The following TINAG variants were observed in gnomAD, a reference collection of about 807,000 sequenced individuals.
TINAG encodes tubulointerstitial nephritis antigen.
A neutral mutation model predicts 72.7 loss-of-function variants in TINAG; 83 were observed. That is an observed-to-expected ratio of 1.14 (90% CI 0.96 to 1.37). The LOEUF (loss-of-function observed/expected upper bound fraction) is 1.37. Ranked by LOEUF, TINAG falls within the 40% of genes most tolerant of loss-of-function variation. The pLI is 0.00. For missense variants in TINAG, 685 were observed against 576.6 expected (o/e 1.19, Z -1.93); for synonymous variants, 234 against 189.9 (o/e 1.23, Z -1.91).
At chr6:54,366,003 A>C (rs538651658) in intron 9 of TINAG, among the ~76,000 whole-genome samples, 1 of 151,764 alleles carries the variant, frequency 6.6e-6, no homozygotes, top group African/African-American at 2.4e-5. Flanking sequence ...TCTCAAAAAT[A>C]TGAATAAAGT....
At chr6:54,360,841 G>GTTTTTTTTTGTTTTTTTTTTTTTT (rs1763206130) in intron 9 of TINAG, among the ~76,000 whole-genome samples, 1 of 26,242 alleles carries the variant, frequency 3.8e-5, no homozygotes, top group South Asian at 2.3e-3. Flanking sequence ...CAGATACTGT[G>GTTTTTTTTTGTTTTTTTTTTTTTT]TTTTTTTTTT....
intron 9 of TINAG, among the ~76,000 whole-genome samples, chr6:54,373,740 T>G (rs1041740004): frequency 1.3e-5 from 2 of 152,114 alleles, no homozygotes; most frequent in African/African-American, 4.8e-5. Context: ...AGATTTTGCC[T>G]GTAAACCATA....
intron 1 of TINAG, 41 bp from the exon 2 acceptor site, chr6:54,320,538 T>A (rs759208803): frequency 4.7e-6 from 7 of 1,504,824 alleles, no homozygotes; most frequent in Admixed American, 1.8e-5. Context: ...ACTTTATTAC[T>A]TAGTTTAGCA....
Position 54,354,972 on chromosome 6 carries a change from G to T in TINAG, c.1250+336G>T, listed in dbSNP as rs112952283. On this transcript the variant is annotated intron_variant, in intron 9 of 10. Coordinates refer to ENST00000259782, the MANE Select transcript of TINAG (RefSeq NM_014464.4). The stretch of plus-strand genomic sequence containing the variant: ...AAATCCAAGGCGTATTATGGTTTGG[G>T]GAGATGGTTTTGAATAGAATTGCAA... Among the ~76,000 whole-genome samples the T allele has an allele frequency of 5.6e-3, 850 of 151,948 alleles. 10 individuals carry two copies. The highest frequency in any genetic ancestry group is 0.019 in the African/African-American group (807 of 41,500).
chr6:54,354,402 T>A, intron 8 of TINAG, 111 bp from the exon 9 acceptor site: 1 of 973,112 alleles, frequency 1.0e-6, no homozygotes, highest in South Asian at 1.8e-5. Context: ...AGCCCCTTCT[T>A]AGATTCATCT....
rs1001192156 is a variant in TINAG, at chr6:54,384,491, G to A, written c.1296+3920G>A. ...AAATGACACATTATTCTCAAAAAAAGCAGCACTGACTGACAGCTGGCATTT... is the reference window on the plus strand; with the variant it reads ...AAATGACACATTATTCTCAAAAAAAACAGCACTGACTGACAGCTGGCATTT... On this transcript the variant is annotated intron_variant, in intron 10 of 10. Transcript: ENST00000259782. Among the ~76,000 whole-genome samples, 20 of 152,098 alleles carry A rather than the reference G, an allele frequency of 1.3e-4. 1 individual carries two copies. Among genetic ancestry groups the A allele is most frequent in the African/African-American group, 4.6e-4 (19 of 41,500 alleles).
rs141176211 is a variant in TINAG, at chr6:54,345,471, A to G, written c.749-1896A>G. 6.6e-4 allele frequency among the ~76,000 whole-genome samples: 100 copies of G among 152,294 alleles called. 3 individuals carry two copies. Among genetic ancestry groups the G allele is most frequent in the Admixed American group, 6.0e-3 (91 of 15,282 alleles). ...CTGAAGCCAAAAGATGAGAAATATC[A>G]GAAATAATCCTGGAGACCAGGCTTC... On this transcript the variant is annotated intron_variant, in intron 5 of 10. Coordinates refer to ENST00000259782, the MANE Select transcript of TINAG (RefSeq NM_014464.4).
chr6:54,334,058 G>A (rs895758280), intron 4 of TINAG, among the ~76,000 whole-genome samples: 1 of 152,096 alleles, frequency 6.6e-6, no homozygotes, highest in Admixed American at 6.6e-5. Context: ...TCTGCTACTA[G>A]GTATCTTGCA....
chr6:54,307,992 A>C (rs1166893815), upstream of TINAG: 2 of 1,531,286 alleles, frequency 1.3e-6, no homozygotes, highest in African/African-American at 1.4e-5. Context: ...ACAGATGGGA[A>C]ATCAAACCAG....
At position 54,373,923 on chromosome 6, in the gene TINAG, A is replaced by G. The variant is rs1763703041; in HGVS notation, c.1251-6603A>G. On this transcript the variant is annotated intron_variant, in intron 9 of 10. Coordinates refer to ENST00000259782, the MANE Select transcript of TINAG (RefSeq NM_014464.4). ...CAATTGTCATTGATCATGATATATG[A>G]TTTTGGTCTTTGCTCTCTCTTTGCT... 2.0e-5 allele frequency among the ~76,000 whole-genome samples: 3 copies of G among 152,036 alleles called. 1 individual carries two copies. Among genetic ancestry groups the G allele is most frequent in the Non-Finnish European group, 2.9e-5 (2 of 67,982 alleles).
Position 54,308,630 on chromosome 6 carries a change from G to C in TINAG, c.80G>C (p.Arg27Thr). 6.2e-7 allele frequency: 1 copy of C among 1,613,760 alleles called. No individual in the cohort carries two copies. The highest frequency in any genetic ancestry group is 1.1e-5 in the South Asian group (1 of 91,070). ...ATGGAGAAGCAGTATTTATCTCAAA[G>C]AGAAGTGGACCTAGAGGCTTATTTC... ...IWMEKQYLSQREVDLEAYFTR... is the reference protein window; with the variant it reads ...IWMEKQYLSQTEVDLEAYFTR... Residue 27 changes from arginine to threonine, a missense_variant, in exon 1 of 11, where the codon AGA becomes ACA. Arg to Thr is a moderately conservative substitution (Grantham distance 71). Coordinates refer to ENST00000259782, the MANE Select transcript of TINAG (RefSeq NM_014464.4).
At chr6:54,361,146 C>G (rs551950564) in intron 9 of TINAG, among the ~76,000 whole-genome samples, 1 of 151,174 alleles carries the variant, frequency 6.6e-6, no homozygotes, top group Non-Finnish European at 1.5e-5. Context: ...ATCAATGGGG[C>G]GTTCTCCCTT....
At chr6:54,326,727 G>A in intron 3 of TINAG, 75 bp from the exon 4 acceptor site, 1 of 1,071,324 alleles carries the variant, frequency 9.3e-7, no homozygotes, top group Non-Finnish European at 1.3e-6. Flanking sequence ...AAATATAAAG[G>A]AAAATGTATT....
At chr6:54,342,570 AT>A (rs1352393044) in intron 4 of TINAG, among the ~76,000 whole-genome samples, 1 of 152,004 alleles carries the variant, frequency 6.6e-6, no homozygotes, top group Non-Finnish European at 1.5e-5. Context: ...GGTTTTCACC[AT>A]GTTGGCCAGG....
intron 4 of TINAG, among the ~76,000 whole-genome samples, chr6:54,333,695 A>G (rs959946958): frequency 7.9e-5 from 12 of 152,308 alleles, no homozygotes; most frequent in Admixed American, 7.2e-4. Flanking sequence ...ATTGATAATG[A>G]CTTCACAGAA....
intron 7 of TINAG, among the ~76,000 whole-genome samples, chr6:54,350,218 C>CT (rs34299601): frequency 0.38 from 58,260 of 151,700 alleles, 13,386 homozygotes; most frequent in Middle Eastern, 0.55. Flanking sequence ...TTTTCACTGA[C>CT]TTTTTTGTGG....
At chr6:54,351,496 T>G in intron 8 of TINAG, 99 bp downstream of exon 8, 2 of 1,184,548 alleles carry the variant, frequency 1.7e-6, no homozygotes, top group South Asian at 2.9e-5. Flanking sequence ...TAAAGAAAAT[T>G]TTTACTTTAA....
chr6:54,358,032 C>T (rs1172234445), intron 9 of TINAG, among the ~76,000 whole-genome samples: 1 of 151,736 alleles, frequency 6.6e-6, no homozygotes, highest in East Asian at 2.0e-4. Flanking sequence ...CCTTGATTTC[C>T]TGCTCTAGTG....
Position 54,308,841 on chromosome 6 carries a change from C to G in TINAG, c.291C>G (p.Asp97Glu). The change falls in exon 1 of 11, where the codon GAC (aspartate) becomes GAG (glutamate). Residue 97 changes from aspartate to glutamate, a missense_variant. Physicochemically the swap from Asp to Glu is conservative, Grantham distance 45. Coordinates refer to ENST00000259782, the MANE Select transcript of TINAG (RefSeq NM_014464.4). ...GAGAAAATTCTGATTGCTGTCCTGA[C>G]TACAAGTCCTTTTGCCGTGAAGAGA... Reference protein sequence around the residue: ...CDRENSDCCPDYKSFCREEKE... With the variant: ...CDRENSDCCPEYKSFCREEKE... The G allele has an allele frequency of 6.2e-7, 1 of 1,613,750 alleles. No individual in the cohort carries two copies. Among genetic ancestry groups the G allele is most frequent in the Middle Eastern group, 1.7e-4 (1 of 6,054 alleles).
Sources: allele counts gnomAD v4.1 joint callset (sites outside exome capture counted in the v4.1 genomes callset), GRCh38; gene constraint gnomAD v4.1.1; transcripts MANE v1.5; gene names NCBI Gene and HGNC (gene_info 2026-07-23, HGNC 2026-07-21).